Variants in LDLRAD4 observed in about 807,000 individuals in gnomAD.
LDLRAD4 encodes low density lipoprotein receptor class A domain containing 4, also known as low-density lipoprotein receptor class A domain-containing protein 4.
Under a neutral mutation model 17.0 loss-of-function variants are expected in LDLRAD4, and 5 were observed. That is an observed-to-expected ratio of 0.29 (90% confidence interval 0.15 to 0.62). The LOEUF (loss-of-function observed/expected upper bound fraction) is 0.62, where lower values mean the gene tolerates loss of function less well. Ranked by LOEUF, LDLRAD4 falls within the 20% of genes least tolerant of loss-of-function variation. The pLI is 0.84. For missense variants in LDLRAD4, 340 were observed against 424.7 expected (o/e 0.80, Z 1.75); for synonymous variants, 168 against 171.8 (o/e 0.98, Z 0.17).
intron 4 of LDLRAD4, among the ~76,000 whole-genome samples, chr18:13,634,614 T>G (rs191288714): frequency 1.3e-5 from 2 of 152,272 alleles, no homozygotes; most frequent in African/African-American, 4.8e-5. Context: ...ATTGGAAGAC[T>G]TAACTATTTT....
At chr18:13,445,812 G>A (rs2091366075) in intron 3 of LDLRAD4, among the ~76,000 whole-genome samples, 1 of 151,848 alleles carries the variant, frequency 6.6e-6, no homozygotes, top group African/African-American at 2.4e-5. Context: ...ATGTGCATGA[G>A]TGTGTGTGTC....
intron 3 of LDLRAD4, among the ~76,000 whole-genome samples, chr18:13,442,469 T>TA (rs1285138750): frequency 2.0e-5 from 3 of 152,046 alleles, no homozygotes; most frequent in African/African-American, 7.2e-5. Flanking sequence ...GCAATGAGGG[T>TA]GGCGCTGTCT....
intron 1 of LDLRAD4, among the ~76,000 whole-genome samples, chr18:13,355,170 A>G (rs192626330): frequency 3.9e-5 from 6 of 152,312 alleles, no homozygotes; most frequent in Admixed American, 1.3e-4. Context: ...ACTTTAGTCT[A>G]TGTTGTTTTG....
Position 13,517,904 on chromosome 18 carries a change from A to G in LDLRAD4, c.181+79520A>G, listed in dbSNP as rs567447327. ...CAGGCGCCCGCCACCACGCCTGGCTAATTTTTTATATTTTTGGTAGAGATG... is the reference window on the plus strand; with the variant it reads ...CAGGCGCCCGCCACCACGCCTGGCTGATTTTTTATATTTTTGGTAGAGATG... On this transcript the variant is annotated intron_variant, in intron 3 of 5. Coordinates refer to ENST00000359446, the Ensembl canonical transcript of LDLRAD4. Among the ~76,000 whole-genome samples the G allele has an allele frequency of 5.9e-5, 9 of 152,074 alleles. No homozygotes were observed. The South Asian group carries it at 1.9e-3, about 32-fold the overall frequency.
chr18:13,523,226 G>A (rs1160439811), intron 3 of LDLRAD4, among the ~76,000 whole-genome samples: 1 of 152,236 alleles, frequency 6.6e-6, no homozygotes, highest in African/African-American at 2.4e-5. Context: ...CCTAGGTGAA[G>A]GGATTTGGTA....
intron 2 of LDLRAD4, among the ~76,000 whole-genome samples, chr18:13,409,529 A>G (rs1453763637): frequency 1.3e-5 from 2 of 152,244 alleles, no homozygotes; most frequent in Non-Finnish European, 2.9e-5. Flanking sequence ...CTTATGTGCA[A>G]TTTACATTCT....
chr18:13,471,094 T>C (rs901634759), intron 3 of LDLRAD4: 1 of 152,308 alleles, frequency 6.6e-6, no homozygotes, highest in Admixed American at 6.5e-5. Flanking sequence ...GATGTCATAA[T>C]TAGTAGGCAG....
intron 1 of LDLRAD4, chr18:13,234,912 T>G (rs2042259837): frequency 1.3e-5 from 2 of 152,104 alleles, no homozygotes; most frequent in Admixed American, 1.3e-4. Context: ...TTGGATAAAT[T>G]AGTTATTTAT....
chr18:13,324,422 A>G (rs538845479), intron 1 of LDLRAD4, among the ~76,000 whole-genome samples: 16 of 152,172 alleles, frequency 1.1e-4, no homozygotes, highest in Admixed American at 2.0e-4. Context: ...GATTACAGGC[A>G]TGAGCCACCG....
intron 1 of LDLRAD4, among the ~76,000 whole-genome samples, chr18:13,280,410 C>T (rs2045190881): frequency 6.6e-6 from 1 of 152,200 alleles, no homozygotes; most frequent in Non-Finnish European, 1.5e-5. Context: ...AGTCGTCACT[C>T]AACAACATGT....
rs573254810 is a variant in LDLRAD4 at position 13,321,716 on chromosome 18, C to T, written c.-383+43528C>T. Among the ~76,000 whole-genome samples, 7 of 151,680 alleles carry T rather than the reference C, an allele frequency of 4.6e-5. No homozygotes were observed. In the East Asian group the frequency reaches 7.7e-4, roughly 17 times the overall value. On this transcript the variant is annotated intron_variant, in intron 1 of 5. Coordinates refer to ENST00000359446, the Ensembl canonical transcript of LDLRAD4. ...CTCTACTAAAAATGCAAAAATTAGCCGTTGTGTGGTGATGTGTGCCTGTAA... is the reference window on the plus strand; with the variant it reads ...CTCTACTAAAAATGCAAAAATTAGCTGTTGTGTGGTGATGTGTGCCTGTAA...
intron 3 of LDLRAD4, chr18:13,461,531 ATT>A (rs2092428665): frequency 6.6e-6 from 1 of 152,194 alleles, no homozygotes; most frequent in Non-Finnish European, 1.5e-5. Flanking sequence ...AAAAGCAGAG[ATT>A]TATTGAAAAC....
chr18:13,412,420 A>T lies in LDLRAD4; in HGVS notation c.40+24658A>T, dbSNP rs142220380. On this transcript the variant is annotated intron_variant, in intron 2 of 5. Transcript: ENST00000359446. ...ACTCAGGTCAGCTAATATCTCCCTT[A>T]TAAAGAAGTATTATCATAAGGTTCC... Among the ~76,000 whole-genome samples the T allele has an allele frequency of 1.2e-3, 183 of 152,290 alleles. 1 individual carries two copies. Among genetic ancestry groups the T allele is most frequent in the African/African-American group, 4.0e-3 (166 of 41,574 alleles).
intron 2 of LDLRAD4, among the ~76,000 whole-genome samples, chr18:13,431,030 A>T (rs932233158): frequency 1.1e-4 from 16 of 152,262 alleles, no homozygotes; most frequent in Non-Finnish European, 7.3e-5. Flanking sequence ...GTACTTTATT[A>T]GTGCCTTTAA....
rs1442576427 is a variant in LDLRAD4, at chr18:13,220,119, C to T, written c.-467+1131C>T. 2.6e-5 allele frequency among the ~76,000 whole-genome samples: 4 copies of T among 152,228 alleles called. No homozygotes were observed. The East Asian group carries it at 7.7e-4, about 29-fold the overall frequency. ...ATGTTATTTGATGGACCTTTCTAAG[C>T]AGTGCTTTTTAAAACAGGGGGCTAA... On this transcript the variant is annotated intron_variant, in intron 1 of 5. Transcript: ENST00000399848.
chr18:13,311,946 C>T (rs940501568), intron 1 of LDLRAD4, among the ~76,000 whole-genome samples: 15 of 152,026 alleles, frequency 9.9e-5, no homozygotes, highest in Non-Finnish European at 1.9e-4. Context: ...ATTCTCCTGC[C>T]TCAGCCTCCC....
chr18:13,586,717 C>T lies in LDLRAD4; in HGVS notation c.182-34400C>T, dbSNP rs929210914. 4.6e-5 allele frequency among the ~76,000 whole-genome samples: 7 copies of T among 151,856 alleles called. 1 individual carries two copies. The highest frequency in any genetic ancestry group is 1.2e-4 in the African/African-American group (5 of 41,330). ...CAGCCTGGCCAACATGGCAAAATCC[C>T]GTCTCTACAAAAATACAAAAATTAG... On this transcript the variant is annotated intron_variant, in intron 3 of 5. Transcript: ENST00000359446.
rs536098378 is a variant in LDLRAD4, at chr18:13,604,884, G to C, written c.182-16233G>C. ...CTTGTTGATAAAGAAACATTTGGGG[G>C]CGTGCCAGCAGCCACCAGGCAGGCA... is the stretch of plus-strand genomic sequence containing the variant. On this transcript the variant is annotated intron_variant, in intron 3 of 5. Coordinates refer to ENST00000359446, the Ensembl canonical transcript of LDLRAD4. 5.3e-5 allele frequency among the ~76,000 whole-genome samples: 8 copies of C among 152,188 alleles called. No individual in the cohort carries two copies. The South Asian group carries it at 1.7e-3, about 32-fold the overall frequency.
intron 2 of LDLRAD4, among the ~76,000 whole-genome samples, chr18:13,390,102 C>G (rs75599950): frequency 5.6e-4 from 85 of 152,322 alleles, no homozygotes; most frequent in African/African-American, 2.0e-3. Flanking sequence ...CTCTGCTCAT[C>G]ACTGCACATT....
Sources: gnomAD v4.1 joint callset for allele counts (sites outside exome capture counted in the v4.1 genomes callset) on GRCh38, gnomAD v4.1.1 for gene constraint, MANE v1.5 for transcripts, NCBI Gene and HGNC (gene_info 2026-07-23, HGNC 2026-07-21) for gene names.